The following ABTB2 variants were observed in gnomAD, a reference collection of about 807,000 sequenced individuals.
ABTB2 encodes the protein ankyrin repeat and BTB domain containing 2, also known as ankyrin repeat and BTB/POZ domain-containing protein 2.
A neutral mutation model predicts 104.1 loss-of-function variants in ABTB2; 56 were observed. The ratio of observed to expected loss-of-function variants is 0.54; its 90% CI spans 0.43 to 0.67. The LOEUF (loss-of-function observed/expected upper bound fraction) is 0.67, where lower values mean the gene tolerates loss of function less well. Ranked by LOEUF, ABTB2 falls within the 30% of genes least tolerant of loss-of-function variation. The pLI is 0.00. For synonymous variants in ABTB2, 606 were observed against 608.2 expected, an observed-to-expected ratio of 1.00 and a Z score of 0.05; for missense variants, 1,279 against 1,407.7, an observed-to-expected ratio of 0.91 and a Z score of 1.46.
chr11:34,258,699 C>T lies in ABTB2; in HGVS notation c.884-54009G>A, dbSNP rs192822820. Among the ~76,000 whole-genome samples, 31 of 150,066 alleles carry T rather than the reference C, an allele frequency of 2.1e-4. No homozygotes were observed. The South Asian group carries it at 5.1e-3, about 25-fold the overall frequency. On this transcript the variant is annotated intron_variant, in intron 1 of 16. Coordinates refer to ENST00000435224, the MANE Select transcript of ABTB2 (RefSeq NM_145804.3). ...CGATCTCAGCTGAATTCAACCTCCACCTCCTGGGCTCAAGCAGTTCTCCTG... is the reference window on the plus strand; with the variant it reads ...CGATCTCAGCTGAATTCAACCTCCATCTCCTGGGCTCAAGCAGTTCTCCTG...
chr11:34,262,002 C>A (rs1171991550), intron 1 of ABTB2, among the ~76,000 whole-genome samples: 1 of 152,164 alleles, frequency 6.6e-6, no homozygotes, highest in Non-Finnish European at 1.5e-5. Flanking sequence ...CCCTGAAATG[C>A]CACCATACCC....
At chr11:34,319,136 ACT>A (rs1854972447) in intron 1 of ABTB2, among the ~76,000 whole-genome samples, 1 of 152,148 alleles carries the variant, frequency 6.6e-6, no homozygotes, top group Non-Finnish European at 1.5e-5. Context: ...ACCACCTCAG[ACT>A]CTACAACAGA....
At chr11:34,263,823 T>C (rs7933607) in intron 1 of ABTB2, among the ~76,000 whole-genome samples, 15,793 of 152,128 alleles carry the variant, frequency 0.1, 976 homozygotes, top group Admixed American at 0.2. Context: ...ACATCAGGCA[T>C]GCGCAAGACA....
At chr11:34,247,516 A>G (rs1389699960) in intron 1 of ABTB2, among the ~76,000 whole-genome samples, 2 of 152,234 alleles carry the variant, frequency 1.3e-5, no homozygotes, top group Non-Finnish European at 2.9e-5. Context: ...GAGCATGTTT[A>G]AGGTAAGCTA....
intron 1 of ABTB2, among the ~76,000 whole-genome samples, chr11:34,209,203 GGGCAT>G (rs1029879784): frequency 2.6e-5 from 4 of 151,868 alleles, no homozygotes; most frequent in African/African-American, 9.7e-5. Context: ...AAAATTAGCC[GGGCAT>G]GGTGGTGCAC....
At chr11:34,350,196 C>T (rs777720972) in intron 1 of ABTB2, among the ~76,000 whole-genome samples, 12 of 152,100 alleles carry the variant, frequency 7.9e-5, no homozygotes, top group East Asian at 3.8e-4. Context: ...CTCTAAACAC[C>T]GAGATGGAGT....
Position 34,154,208 on chromosome 11 carries a change from C to T in ABTB2, c.2880+57G>A. The stretch of plus-strand genomic sequence containing the variant: ...CCCCAGTGCAGCCACACGGCCGAGG[C>T]CCCCGTGGAGCAGAGCATGTGGTGG... On this transcript the variant is annotated intron_variant, in intron 16 of 16. Coordinates refer to ENST00000435224, the MANE Select transcript of ABTB2 (RefSeq NM_145804.3). This position sits in a 1 kb window ranked among gnomAD's most constrained non-coding sequence, Gnocchi z 4.9. 2.2e-6 allele frequency: 3 copies of T among 1,390,550 alleles called. No individual in the cohort carries two copies. Among genetic ancestry groups the T allele is most frequent in the South Asian group, 1.2e-5 (1 of 84,768 alleles). 86.1% of individuals were successfully genotyped at this position (1,390,550 alleles called of 1,614,324 possible).
At chr11:34,207,405 C>T (rs908722549) in intron 1 of ABTB2, among the ~76,000 whole-genome samples, 1 of 152,214 alleles carries the variant, frequency 6.6e-6, no homozygotes, top group African/African-American at 2.4e-5. Context: ...CCAAAGAGGC[C>T]TTCACTTAAT....
intron 4 of ABTB2, among the ~76,000 whole-genome samples, chr11:34,171,806 TTC>T (rs1407156416): frequency 2.6e-5 from 4 of 152,168 alleles, no homozygotes; most frequent in African/African-American, 9.7e-5. Flanking sequence ...TAGCTCTACA[TTC>T]TCTCTCTTTA....
At chr11:34,301,263 C>A (rs1854702464) in intron 1 of ABTB2, among the ~76,000 whole-genome samples, 1 of 152,030 alleles carries the variant, frequency 6.6e-6, no homozygotes, top group African/African-American at 2.4e-5. Context: ...TCCTTCTTTC[C>A]CGTAGTTAGT....
intron 1 of ABTB2, among the ~76,000 whole-genome samples, chr11:34,332,083 C>T (rs1855137671): frequency 6.6e-6 from 1 of 152,194 alleles, no homozygotes; most frequent in Non-Finnish European, 1.5e-5. Flanking sequence ...GTATAGTATG[C>T]AATAGCCTGT....
intron 1 of ABTB2, among the ~76,000 whole-genome samples, chr11:34,331,000 C>G (rs1855123050): frequency 1.3e-5 from 2 of 152,204 alleles, no homozygotes; most frequent in Non-Finnish European, 2.9e-5. Context: ...AGTTGCTGAG[C>G]TTGGCAGCAG....
intron 1 of ABTB2, among the ~76,000 whole-genome samples, chr11:34,233,278 G>T (rs1853797118): frequency 6.6e-6 from 1 of 150,970 alleles, no homozygotes; most frequent in Admixed American, 6.6e-5. Context: ...TTGAGACAGG[G>T]TCTTGCTCTA....
At chr11:34,179,705 T>A (rs1853001674) in intron 3 of ABTB2, among the ~76,000 whole-genome samples, 1 of 152,162 alleles carries the variant, frequency 6.6e-6, no homozygotes, top group Non-Finnish European at 1.5e-5. Flanking sequence ...AAGTTCGTGG[T>A]TTTTAACTCC....
chr11:34,249,784 C>T (rs1590229939), intron 1 of ABTB2, among the ~76,000 whole-genome samples: 2 of 152,214 alleles, frequency 1.3e-5, no homozygotes, highest in East Asian at 3.8e-4. Context: ...GCTGGGACTA[C>T]AGATGTGCCA....
At chr11:34,260,660 C>T (rs769477146) in intron 1 of ABTB2, among the ~76,000 whole-genome samples, 33 of 152,286 alleles carry the variant, frequency 2.2e-4, no homozygotes, top group South Asian at 8.3e-4. Context: ...AATTCTGAAA[C>T]GCTTATCTCA....
chr11:34,214,176 A>ACACACACACACAC (rs1853521683), intron 1 of ABTB2, among the ~76,000 whole-genome samples: 1 of 150,438 alleles, frequency 6.6e-6, no homozygotes, highest in African/African-American at 2.4e-5. Flanking sequence ...ACACACACAC[A>ACACACACACACAC]AAGTAAATGG....
chr11:34,274,653 A>G (rs1854363241), intron 1 of ABTB2, among the ~76,000 whole-genome samples: 1 of 151,968 alleles, frequency 6.6e-6, no homozygotes, highest in African/African-American at 2.4e-5. Context: ...TTAAAAAAGA[A>G]AAGAAAAATA....
In ABTB2 at chr11:34,197,418, A is replaced by G. The variant is rs758727629; in HGVS notation, c.1151T>C (p.Leu384Pro). 11 of 1,609,604 alleles carry G rather than the reference A, an allele frequency of 6.8e-6. No individual in the cohort carries two copies. The East Asian group carries it at 1.1e-4, about 16-fold the overall frequency. The change falls in exon 3 of 17, where the codon CTC becomes CCC. Residue 384 changes from leucine to proline, a missense_variant. Leu to Pro is a moderately conservative substitution (Grantham distance 98, BLOSUM62 -3). Transcript: ENST00000435224. Reference protein sequence around the residue: ...PQPITWSPDALHTLYYFLRCP... With the variant: ...PQPITWSPDAPHTLYYFLRCP... The stretch of plus-strand genomic sequence containing the variant: ...CCGCAGAAAGTAGTAGAGCGTGTGG[A>G]GGGCGTCGGGGGACCAAGTGATGGG...
Sources: allele counts gnomAD v4.1 joint callset (sites outside exome capture counted in the v4.1 genomes callset), GRCh38; gene constraint gnomAD v4.1.1; non-coding constraint Gnocchi (gnomAD v3.1); transcripts MANE v1.5; gene names NCBI Gene and HGNC (gene_info 2026-07-23, HGNC 2026-07-21).